The following TMEM163 variants were observed in gnomAD, a reference collection of about 807,000 sequenced individuals.
TMEM163 encodes the protein transmembrane protein 163.
Under a neutral mutation model 29.3 loss-of-function variants are expected in TMEM163, and 17 were observed. That is an observed-to-expected ratio of 0.58 (90% CI 0.40 to 0.87). The LOEUF is 0.87. TMEM163 is among the 40% of genes least tolerant of loss of function. TMEM163 has a pLI of 0.00. For missense variants in TMEM163, 303 were observed against 381.5 expected, an observed-to-expected ratio of 0.79 and a Z score of 1.71; for synonymous variants, 157 against 160.6, an observed-to-expected ratio of 0.98 and a Z score of 0.17.
chr2:134,601,431 G>A (rs1056127963), intron 2 of TMEM163, among the ~76,000 whole-genome samples: 4 of 152,228 alleles, frequency 2.6e-5, no homozygotes, highest in African/African-American at 9.6e-5. Context: ...AAGAGCAGCA[G>A]GAGAAGGCAA....
chr2:134,569,276 C>T (rs1681369241), intron 2 of TMEM163, among the ~76,000 whole-genome samples: 1 of 152,146 alleles, frequency 6.6e-6, no homozygotes, highest in Non-Finnish European at 1.5e-5. Flanking sequence ...GAACTGAACA[C>T]TGCCATGGTT....
At chr2:134,561,242 C>A (rs1681174078) in intron 2 of TMEM163, among the ~76,000 whole-genome samples, 1 of 152,218 alleles carries the variant, frequency 6.6e-6, no homozygotes, top group South Asian at 2.1e-4. Flanking sequence ...CTCGCTCTGT[C>A]GCCCAGGCTG....
At chr2:134,509,335 A>G (rs1679897175) in intron 4 of TMEM163, among the ~76,000 whole-genome samples, 2 of 152,216 alleles carry the variant, frequency 1.3e-5, no homozygotes, top group South Asian at 4.1e-4. Flanking sequence ...ACACAGGCTC[A>G]CCAGAGGGGC....
chr2:134,711,678 T>C (rs1405195102), intron 2 of TMEM163, among the ~76,000 whole-genome samples: 1 of 152,218 alleles, frequency 6.6e-6, no homozygotes, highest in Non-Finnish European at 1.5e-5. Context: ...AGGTGTAACA[T>C]GTGAAACCAA....
At chr2:134,672,748 T>C (rs926657855) in intron 2 of TMEM163, among the ~76,000 whole-genome samples, 3 of 152,122 alleles carry the variant, frequency 2.0e-5, no homozygotes, top group African/African-American at 7.2e-5. Context: ...TATATCCCCT[T>C]GGTCCACTAA....
chr2:134,631,960 G>C (rs915315354), intron 2 of TMEM163, among the ~76,000 whole-genome samples: 1 of 152,186 alleles, frequency 6.6e-6, no homozygotes, highest in Non-Finnish European at 1.5e-5. Flanking sequence ...TGAAGAGACA[G>C]TATGACAAGT....
chr2:134,567,946 C>T (rs528613583), intron 2 of TMEM163, among the ~76,000 whole-genome samples: 2 of 152,338 alleles, frequency 1.3e-5, no homozygotes, highest in East Asian at 3.9e-4. Flanking sequence ...ATCGTCTCCT[C>T]TGTTAGGGGC....
intron 2 of TMEM163, among the ~76,000 whole-genome samples, chr2:134,700,261 C>G (rs1385218946): frequency 6.6e-6 from 1 of 152,216 alleles, no homozygotes; most frequent in African/African-American, 2.4e-5. Flanking sequence ...TCCCTCCCAT[C>G]AGCTCCAAAA....
rs150211429 is a variant in TMEM163, at chr2:134,514,383, CTTTTTT to C, written c.459-11392_459-11387del. Among the ~76,000 whole-genome samples the C allele has an allele frequency of 4.1e-3, 521 of 125,588 alleles. 5 individuals carry two copies. The highest frequency in any genetic ancestry group is 9.6e-3 in the Admixed American group (121 of 12,666). The allele number at this position is 125,588 out of a possible 152,430, so 82.4% of individuals were successfully genotyped here. On this transcript the variant is annotated intron_variant, in intron 4 of 7. Transcript: ENST00000281924. ...AAAATACACTAACGATACTGATGAT[CTTTTTT>C]TTTTTTTTTTTTTTTTTTAAAAAAA...
chr2:134,532,449 C>G (rs1370748534), intron 4 of TMEM163, among the ~76,000 whole-genome samples: 1 of 152,224 alleles, frequency 6.6e-6, no homozygotes, highest in Non-Finnish European at 1.5e-5. Context: ...TCTCCCAAGA[C>G]CTTTCATCAG....
chr2:134,644,225 T>G (rs973121218), intron 2 of TMEM163, among the ~76,000 whole-genome samples: 2 of 152,106 alleles, frequency 1.3e-5, no homozygotes, highest in South Asian at 2.1e-4. Flanking sequence ...GCCATTGAAT[T>G]CCAGAGAGAT....
intron 6 of TMEM163, among the ~76,000 whole-genome samples, chr2:134,463,839 C>A (rs1430676743): frequency 6.6e-6 from 1 of 152,204 alleles, no homozygotes; most frequent in East Asian, 1.9e-4. Context: ...GTTACTGCAA[C>A]TTCACGCTCC....
At chr2:134,610,301 G>A (rs528328261) in intron 2 of TMEM163, among the ~76,000 whole-genome samples, 1 of 152,324 alleles carries the variant, frequency 6.6e-6, no homozygotes, top group East Asian at 1.9e-4. Context: ...TGCAGCCTGT[G>A]CCCTGGAAAG....
At chr2:134,481,377 T>A (rs1679172321) in intron 5 of TMEM163, among the ~76,000 whole-genome samples, 1 of 136,454 alleles carries the variant, frequency 7.3e-6, no homozygotes, top group Admixed American at 7.1e-5. Context: ...AATTGAATCA[T>A]GGGGGGGGGG....
intron 5 of TMEM163, among the ~76,000 whole-genome samples, chr2:134,498,806 C>A (rs1243594426): frequency 6.6e-6 from 1 of 152,216 alleles, no homozygotes; most frequent in Non-Finnish European, 1.5e-5. Context: ...CCCTCGGCAG[C>A]ACTGCCCTCA....
chr2:134,557,053 G>T (rs1009121007), intron 2 of TMEM163, among the ~76,000 whole-genome samples: 4 of 152,156 alleles, frequency 2.6e-5, no homozygotes, highest in Admixed American at 6.5e-5. Flanking sequence ...TTAAGGAGAT[G>T]GGGGAGTAAA....
intron 5 of TMEM163, chr2:134,467,154 G>T (rs1474629880): frequency 1.3e-5 from 2 of 152,188 alleles, no homozygotes; most frequent in East Asian, 1.9e-4. Context: ...TGGAAACAGG[G>T]TATCTGTATA....
intron 5 of TMEM163, among the ~76,000 whole-genome samples, chr2:134,473,460 G>A (rs779941937): frequency 6.6e-6 from 1 of 151,634 alleles, no homozygotes; most frequent in Non-Finnish European, 1.5e-5. Flanking sequence ...ACTTGAACCA[G>A]GGAGGCAGAG....
intron 4 of TMEM163, among the ~76,000 whole-genome samples, chr2:134,538,945 C>A (rs2106502451): frequency 6.6e-6 from 1 of 152,188 alleles, no homozygotes; most frequent in East Asian, 1.9e-4. Flanking sequence ...ATACTAAAAG[C>A]CATTGAACCG....
Sources: gnomAD v4.1 joint callset for allele counts (sites outside exome capture counted in the v4.1 genomes callset) on GRCh38, gnomAD v4.1.1 for gene constraint, MANE v1.5 for transcripts, NCBI Gene and HGNC (gene_info 2026-07-23, HGNC 2026-07-21) for gene names.